The following GFOD1 variants were observed in gnomAD, a reference collection of about 807,000 sequenced individuals.
GFOD1 encodes the protein glucose-fructose oxidoreductase domain-containing protein 1.
GFOD1 carries 9 observed loss-of-function variants against 25.4 expected under a neutral mutation model. The ratio of observed to expected loss-of-function variants is 0.35; its 90% CI spans 0.21 to 0.62. The LOEUF is 0.62. Among genes scored for constraint, GFOD1 ranks in the 20% least tolerant of loss-of-function variants. GFOD1 has a pLI of 0.72. For missense variants in GFOD1, 403 were observed against 556.9 expected (o/e 0.72, Z 2.78); for synonymous variants, 253 against 245.6 (o/e 1.03, Z -0.28).
At chr6:13,393,998 C>T (rs1489032024) in intron 1 of GFOD1, among the ~76,000 whole-genome samples, 1 of 151,882 alleles carries the variant, frequency 6.6e-6, no homozygotes, top group East Asian at 1.9e-4. Context: ...AGGATGGTCT[C>T]GATCTCCTGA....
Position 13,364,354 on chromosome 6 carries a change from C to T in GFOD1, c.*389G>A, listed in dbSNP as rs1044035211. 10 of 206,572 alleles carry T rather than the reference C, an allele frequency of 4.8e-5. No individual in the cohort carries two copies. The highest frequency in any genetic ancestry group is 1.8e-4 in the African/African-American group (8 of 43,624). 12.8% of individuals were successfully genotyped at this position (206,572 alleles called of 1,614,324 possible). ...TGAGCTTGCCATCTGATACTAGTGC[C>T]TTGACCTTGCAGAACCACTTGGCTT... is the stretch of plus-strand genomic sequence containing the variant. On this transcript the variant is annotated 3_prime_UTR_variant, in exon 2 of 2. Transcript: ENST00000379287. This position sits in a 1 kb window ranked among gnomAD's most constrained non-coding sequence, Gnocchi z 4.1.
At chr6:13,393,927 C>T (rs1202969751) in intron 1 of GFOD1, among the ~76,000 whole-genome samples, 2 of 151,902 alleles carry the variant, frequency 1.3e-5, no homozygotes, top group East Asian at 1.9e-4. Context: ...TACAGGCGCC[C>T]ACCACCACGC....
At chr6:13,486,259 AC>A (rs1396623839) in intron 1 of GFOD1, 8 of 89,962 alleles carry the variant, frequency 8.9e-5, no homozygotes, top group African/African-American at 1.2e-4. Context: ...CCCCCCCCCC[AC>A]ACACACACAC....
At chr6:13,479,334 C>T (rs565589563) in intron 1 of GFOD1, among the ~76,000 whole-genome samples, 154 of 152,110 alleles carry the variant, frequency 1.0e-3, no homozygotes, top group Non-Finnish European at 1.8e-3. Context: ...TCACACCAAC[C>T]CTATATGATA....
intron 1 of GFOD1, among the ~76,000 whole-genome samples, chr6:13,479,188 C>CTTTT (rs1226698764): frequency 1.3e-5 from 2 of 152,078 alleles, no homozygotes; most frequent in Non-Finnish European, 1.5e-5. Context: ...GAACTACTCA[C>CTTTT]TTAAAAATTT....
At chr6:13,398,265 A>G (rs1018496502) in intron 1 of GFOD1, among the ~76,000 whole-genome samples, 2 of 151,576 alleles carry the variant, frequency 1.3e-5, no homozygotes, top group African/African-American at 4.8e-5. Flanking sequence ...GTCAGTTATT[A>G]CTGTTAACAG....
At chr6:13,438,746 C>T (rs1434852788) in intron 1 of GFOD1, among the ~76,000 whole-genome samples, 1 of 152,060 alleles carries the variant, frequency 6.6e-6, no homozygotes, top group Non-Finnish European at 1.5e-5. Flanking sequence ...AGGATTCAAC[C>T]CAAACCTTCT....
At chr6:13,390,558 T>A (rs1785568510) in intron 1 of GFOD1, among the ~76,000 whole-genome samples, 1 of 151,904 alleles carries the variant, frequency 6.6e-6, no homozygotes, top group Non-Finnish European at 1.5e-5. Flanking sequence ...AAACCTCATC[T>A]CTACCAAAAA....
At chr6:13,423,679 C>G (rs966926639) in intron 1 of GFOD1, among the ~76,000 whole-genome samples, 2 of 152,178 alleles carry the variant, frequency 1.3e-5, no homozygotes, top group Non-Finnish European at 2.9e-5. Context: ...GGTAGCAGAA[C>G]CGGGGGTGGG....
intron 1 of GFOD1, among the ~76,000 whole-genome samples, chr6:13,468,698 T>G (rs970981690): frequency 6.6e-6 from 1 of 152,162 alleles, no homozygotes; most frequent in Non-Finnish European, 1.5e-5. Context: ...CCCTGGGTGT[T>G]AGGAGAGAGG....
At position 13,365,878 on chromosome 6, in the gene GFOD1, C is replaced by CAATAATAAT. The variant is rs58256557; in HGVS notation, c.254-225_254-217dup. On this transcript the variant is annotated intron_variant, in intron 1 of 1. Transcript: ENST00000379287. The surrounding 1 kb of genome is among the most constrained non-coding windows in gnomAD (Gnocchi z 9.2). Reference sequence around the variant, plus strand: ...TGGGTAACACAGAGAGATCCTGTCTCAATAATAATAATAATAATAATAATA... The same window carrying CAATAATAAT: ...TGGGTAACACAGAGAGATCCTGTCTCAATAATAATAATAATAATAATAATAATAATAATA... Among the ~76,000 whole-genome samples, 159 of 133,904 alleles carry CAATAATAAT rather than the reference C, an allele frequency of 1.2e-3. No homozygotes were observed. The highest frequency in any genetic ancestry group is 2.3e-3 in the African/African-American group (82 of 36,074). 87.8% of individuals were successfully genotyped at this position (133,904 alleles called of 152,430 possible).
intron 1 of GFOD1, among the ~76,000 whole-genome samples, chr6:13,436,195 T>C (rs977988620): frequency 6.6e-6 from 1 of 152,238 alleles, no homozygotes; most frequent in African/African-American, 2.4e-5. Context: ...GAGCTAAAAG[T>C]ATACAAACAT....
intron 1 of GFOD1, among the ~76,000 whole-genome samples, chr6:13,450,576 C>T (rs1445560185): frequency 6.6e-6 from 1 of 152,158 alleles, no homozygotes; most frequent in African/African-American, 2.4e-5. Flanking sequence ...GTGGATCACA[C>T]TGGACGTGCT....
At chr6:13,412,611 C>T (rs1189431313) in intron 1 of GFOD1, among the ~76,000 whole-genome samples, 1 of 152,204 alleles carries the variant, frequency 6.6e-6, no homozygotes, top group Non-Finnish European at 1.5e-5. Context: ...TCTTTAACAT[C>T]CACTCCCTTC....
At chr6:13,403,872 T>G (rs1785896162) in intron 1 of GFOD1, among the ~76,000 whole-genome samples, 1 of 152,128 alleles carries the variant, frequency 6.6e-6, no homozygotes. Context: ...AGTGGAAGGA[T>G]GTTGGAAGAG....
chr6:13,486,730 C>A lies in GFOD1; in HGVS notation c.161G>T (p.Arg54Leu), dbSNP rs758328175. Residue 54 changes from arginine to leucine, a missense_variant, in exon 1 of 2, where the codon CGC (arginine) becomes CTC (leucine). Transcript: ENST00000379287. ...CTGATGCAGCAGCACCTCATCAATG[C>A]GGCTAGTGTAGAAGGGGACACTCAT... Reference protein sequence around the residue: ...KEMSVPFYTSRIDEVLLHQDV... With the variant: ...KEMSVPFYTSLIDEVLLHQDV... 3.1e-6 allele frequency: 5 copies of A among 1,613,988 alleles called. No homozygotes were observed. Among genetic ancestry groups the A allele is most frequent in the African/African-American group, 2.7e-5 (2 of 74,904 alleles).
intron 1 of GFOD1, among the ~76,000 whole-genome samples, chr6:13,410,615 G>GAGAGAGAGAGA (rs1786057857): frequency 2.3e-5 from 2 of 88,114 alleles, no homozygotes; most frequent in Non-Finnish European, 4.5e-5. Flanking sequence ...AGAGAGAGAG[G>GAGAGAGAGAGA]AAGGAAGAAA....
At chr6:13,460,335 A>G (rs1314555143) in intron 1 of GFOD1, among the ~76,000 whole-genome samples, 1 of 152,220 alleles carries the variant, frequency 6.6e-6, no homozygotes, top group Non-Finnish European at 1.5e-5. Flanking sequence ...AGGAATATAA[A>G]TCATTGTTAT....
intron 1 of GFOD1, among the ~76,000 whole-genome samples, chr6:13,406,012 T>C (rs997192858): frequency 8.5e-5 from 13 of 152,174 alleles, no homozygotes; most frequent in Non-Finnish European, 1.8e-4. Flanking sequence ...CCCCAACTTC[T>C]GAGGCAGCAT....
Sources: allele counts gnomAD v4.1 joint callset (sites outside exome capture counted in the v4.1 genomes callset), GRCh38; gene constraint gnomAD v4.1.1; non-coding constraint Gnocchi (gnomAD v3.1); transcripts MANE v1.5; gene names NCBI Gene and HGNC (gene_info 2026-07-23, HGNC 2026-07-21).